Variants in HSDL2 observed in about 807,000 individuals in gnomAD.
HSDL2 encodes the protein hydroxysteroid dehydrogenase-like protein 2.
A neutral mutation model predicts 46.3 loss-of-function variants in HSDL2; 27 were observed. The ratio of observed to expected loss-of-function variants is 0.58; its 90% CI spans 0.43 to 0.80. The LOEUF (loss-of-function observed/expected upper bound fraction) is 0.80, where lower values mean the gene tolerates loss of function less well. Among genes scored for constraint, HSDL2 ranks in the 30% least tolerant of loss-of-function variants. The pLI, the probability that HSDL2 is intolerant of heterozygous loss-of-function variation, is 0.00. For missense variants in HSDL2, 451 were observed against 502.7 expected (o/e 0.90, Z 0.98); for synonymous variants, 153 against 163.6 (o/e 0.94, Z 0.50).
chr9:112,405,818 C>A, intron 3 of HSDL2, 96 bp downstream of exon 3: 1 of 774,568 alleles, frequency 1.3e-6, no homozygotes, highest in Non-Finnish European at 2.1e-6. Flanking sequence ...TTTGAATTTT[C>A]TGAGTCTTTG....
At chr9:112,401,966 C>G (rs554515690) in intron 1 of HSDL2, among the ~76,000 whole-genome samples, 21 of 152,288 alleles carry the variant, frequency 1.4e-4, no homozygotes, top group African/African-American at 5.1e-4. Flanking sequence ...TATTTTAAAA[C>G]CGCTTCCCAC....
At chr9:112,444,357 C>T (rs1383373101) in intron 8 of HSDL2, among the ~76,000 whole-genome samples, 2 of 152,026 alleles carry the variant, frequency 1.3e-5, no homozygotes, top group South Asian at 2.1e-4. Context: ...CAGTATTCGT[C>T]GTGTGTATGT....
intron 6 of HSDL2, among the ~76,000 whole-genome samples, chr9:112,432,303 C>G (rs73536000): frequency 0.023 from 3,508 of 152,238 alleles, 147 homozygotes; most frequent in African/African-American, 0.079. Flanking sequence ...CTGTACATCC[C>G]CTTCACATCA....
At chr9:112,418,819 T>C (rs1371873163) in intron 5 of HSDL2, 41 bp from the exon 6 acceptor site, 2 of 1,153,254 alleles carry the variant, frequency 1.7e-6, no homozygotes, top group East Asian at 5.7e-5. Context: ...TCAAATTAAT[T>C]TCTTTTATAA....
chr9:112,454,878 G>A (rs554885869), intron 9 of HSDL2, among the ~76,000 whole-genome samples: 37 of 151,286 alleles, frequency 2.4e-4, no homozygotes, highest in African/African-American at 7.3e-4. Flanking sequence ...GCTAATTTTT[G>A]TATTTTTAGT....
At chr9:112,425,517 G>C (rs1444314540) in intron 6 of HSDL2, among the ~76,000 whole-genome samples, 4 of 152,070 alleles carry the variant, frequency 2.6e-5, no homozygotes, top group Admixed American at 2.6e-4. Flanking sequence ...TCAAATGTGT[G>C]AACTCTTGAT....
At chr9:112,396,748 T>C (rs767700905) in intron 1 of HSDL2, among the ~76,000 whole-genome samples, 3 of 151,904 alleles carry the variant, frequency 2.0e-5, no homozygotes, top group Non-Finnish European at 4.4e-5. Context: ...AAGAATTAGG[T>C]AGTAAATTTA....
chr9:112,437,532 A>G (rs567011777), intron 6 of HSDL2, among the ~76,000 whole-genome samples: 19 of 151,434 alleles, frequency 1.3e-4, no homozygotes, highest in Admixed American at 1.2e-3. Flanking sequence ...CTGTATAATC[A>G]GTGGTATTGT....
Position 112,470,981 on chromosome 9 carries a change from T to C in HSDL2, c.*437T>C, listed in dbSNP as rs1261822521. On this transcript the variant is annotated 3_prime_UTR_variant, in exon 11 of 11. Coordinates refer to ENST00000398805, the MANE Select transcript of HSDL2 (RefSeq NM_032303.5). ...ATGTTTTTGATTTTTATATACTTAT[T>C]TTAAAGAAAATCTTATATAGTACAT... 1 of 152,394 alleles carries C rather than the reference T, an allele frequency of 6.6e-6. No individual in the cohort carries two copies. The highest frequency in any genetic ancestry group is 2.4e-5 in the African/African-American group (1 of 41,468). 9.4% of individuals were successfully genotyped at this position (152,394 alleles called of 1,614,324 possible).
In HSDL2 at chr9:112,470,086, C is replaced by CT. The variant is rs369589272; in HGVS notation, c.1145-345dup. Among the ~76,000 whole-genome samples the CT allele has an allele frequency of 2.0e-3, 299 of 152,282 alleles. 7 individuals carry two copies. Among genetic ancestry groups the CT allele is most frequent in the African/African-American group, 6.9e-3 (288 of 41,566 alleles). ...CTTGAAATGTCAAAAGTTTAATGAACTATCGTAAGTTGGAAAATTAACTAA... is the reference window on the plus strand; with the variant it reads ...CTTGAAATGTCAAAAGTTTAATGAACTTATCGTAAGTTGGAAAATTAACTAA... On this transcript the variant is annotated intron_variant, in intron 10 of 10. Transcript: ENST00000398805.
intron 8 of HSDL2, among the ~76,000 whole-genome samples, chr9:112,444,988 C>T (rs1418152374): frequency 1.3e-5 from 2 of 152,122 alleles, no homozygotes; most frequent in East Asian, 1.9e-4. Flanking sequence ...AAACAATCCT[C>T]TCACCTCAGC....
intron 8 of HSDL2, among the ~76,000 whole-genome samples, chr9:112,447,562 A>G (rs752854603): frequency 3.3e-5 from 5 of 152,154 alleles, no homozygotes; most frequent in Non-Finnish European, 5.9e-5. Context: ...GCTAAAACGA[A>G]ACACATGACC....
chr9:112,459,452 A>C lies in HSDL2; in HGVS notation c.1019A>C (p.Glu340Ala), dbSNP rs773345600. 8 of 1,613,870 alleles carry C rather than the reference A, an allele frequency of 5.0e-6. No homozygotes were observed. The highest frequency in any genetic ancestry group is 6.8e-6 in the Non-Finnish European group (8 of 1,179,816). The change falls in exon 10 of 11, where the codon GAA becomes GCA. Residue 340 changes from glutamate to alanine, a missense_variant. Transcript: ENST00000398805. ...TTCTATATGTTTATCTCTCTAGGTG[A>C]AGATGGTGGCACGTGGTTTCTTGAT... ...QAIYLFELSG[E>A]DGGTWFLDLK...
At chr9:112,442,227 CCACT>C (rs1832654218) in intron 8 of HSDL2, among the ~76,000 whole-genome samples, 1 of 141,494 alleles carries the variant, frequency 7.1e-6, no homozygotes, top group Non-Finnish European at 1.5e-5. Context: ...CGTGATCGTG[CCACT>C]GCACTCTAGC....
intron 10 of HSDL2, among the ~76,000 whole-genome samples, chr9:112,463,259 CTT>C (rs59947984): frequency 0.023 from 3,155 of 138,858 alleles, 58 homozygotes; most frequent in Admixed American, 0.075. Context: ...TGATATTTAA[CTT>C]TTTTTTTTTT....
intron 6 of HSDL2, among the ~76,000 whole-genome samples, chr9:112,421,656 C>T (rs949904): frequency 0.28 from 42,020 of 152,042 alleles, 5,964 homozygotes; most frequent in Middle Eastern, 0.39. Flanking sequence ...CCTCCTCGGC[C>T]TCCCAAAGTG....
intron 1 of HSDL2, among the ~76,000 whole-genome samples, chr9:112,402,781 C>T (rs370725522): frequency 1.3e-4 from 19 of 151,466 alleles, no homozygotes; most frequent in Admixed American, 1.2e-3. Flanking sequence ...ATTAGCTGGG[C>T]GTGGTGGCCC....
At chr9:112,407,030 T>C (rs772028116) in intron 3 of HSDL2, among the ~76,000 whole-genome samples, 1 of 149,108 alleles carries the variant, frequency 6.7e-6, no homozygotes, top group Non-Finnish European at 1.5e-5. Context: ...TGCTTCAGTG[T>C]TAGCAAGGCT....
chr9:112,447,327 C>A (rs1832777889), intron 8 of HSDL2, among the ~76,000 whole-genome samples: 1 of 152,046 alleles, frequency 6.6e-6, no homozygotes, highest in Non-Finnish European at 1.5e-5. Flanking sequence ...TGTGCAAACT[C>A]ATCATGTTTA....
Sources: gnomAD v4.1 joint callset for allele counts (sites outside exome capture counted in the v4.1 genomes callset) on GRCh38, gnomAD v4.1.1 for gene constraint, MANE v1.5 for transcripts, NCBI Gene and HGNC (gene_info 2026-07-23, HGNC 2026-07-21) for gene names.